The following DPP6 variants were observed in gnomAD, a reference collection of about 807,000 sequenced individuals.
DPP6 encodes the protein A-type potassium channel modulatory protein DPP6.
In DPP6, 69 loss-of-function variants were observed where a neutral mutation model predicts 122.6. The ratio of observed to expected loss-of-function variants is 0.56; its 90% CI spans 0.46 to 0.69. The LOEUF (loss-of-function observed/expected upper bound fraction) is 0.69. Ranked by LOEUF, DPP6 falls within the 30% of genes least tolerant of loss-of-function variation. DPP6 has a pLI of 0.00. For synonymous variants in DPP6, 418 were observed against 433.1 expected (o/e 0.97, Z 0.43); for missense variants, 928 against 1,116.9 (o/e 0.83, Z 2.41).
chr7:154,883,496 TCA>T (rs1266237433), intron 21 of DPP6: 4 of 118,274 alleles, frequency 3.4e-5, no homozygotes, highest in African/African-American at 6.8e-5. Context: ...TCACACATGC[TCA>T]GACACATGCT....
At chr7:154,665,237 T>C (rs942570547) in intron 6 of DPP6, among the ~76,000 whole-genome samples, 4 of 152,240 alleles carry the variant, frequency 2.6e-5, no homozygotes. Flanking sequence ...CCCATTGCAT[T>C]ATATCCAATG....
chr7:154,128,833 C>T (rs776797288), intron 1 of DPP6, among the ~76,000 whole-genome samples: 5 of 149,646 alleles, frequency 3.3e-5, no homozygotes, highest in Non-Finnish European at 7.5e-5. Flanking sequence ...TGGGTCTTCT[C>T]CCTGACCCTG....
chr7:154,577,609 G>A (rs1369079703), intron 5 of DPP6, among the ~76,000 whole-genome samples: 2 of 152,164 alleles, frequency 1.3e-5, no homozygotes, highest in Admixed American at 1.3e-4. Flanking sequence ...CCAGTGACAT[G>A]CCTGTAATTG....
In DPP6 at chr7:154,860,398, C is replaced by T. The variant is rs374682751; in HGVS notation, c.1714+6571C>T. ...GAGGAGCACTGTCAGACGTCCCTCT[C>T]GAAAAGCTTCTGGTCGCTGTGCAGA... is the stretch of plus-strand genomic sequence containing the variant. On this transcript the variant is annotated intron_variant, in intron 17 of 25. Coordinates refer to ENST00000377770, the MANE Select transcript of DPP6 (RefSeq NM_130797.4). 9.8e-5 allele frequency among the ~76,000 whole-genome samples: 15 copies of T among 152,300 alleles called. No homozygotes were observed. The East Asian group carries it at 2.7e-3, about 27-fold the overall frequency.
At chr7:154,456,253 C>A (rs2151307539) in intron 2 of DPP6, among the ~76,000 whole-genome samples, 1 of 152,320 alleles carries the variant, frequency 6.6e-6, no homozygotes, top group Non-Finnish European at 1.5e-5. Context: ...TTGATCACTT[C>A]TGCAGAAACA....
chr7:154,523,971 G>A (rs932432215), intron 3 of DPP6, among the ~76,000 whole-genome samples: 1 of 152,172 alleles, frequency 6.6e-6, no homozygotes, highest in Non-Finnish European at 1.5e-5. Flanking sequence ...CCTGCACCAA[G>A]TTTTACGACA....
At chr7:154,180,341 CAGAT>C (rs1008364926) in intron 1 of DPP6, among the ~76,000 whole-genome samples, 8 of 147,690 alleles carry the variant, frequency 5.4e-5, no homozygotes, top group Non-Finnish European at 1.0e-4. Context: ...ACCCGGGAGA[CAGAT>C]AGATAGATAG....
chr7:154,594,488 A>G (rs1232863026), intron 5 of DPP6, among the ~76,000 whole-genome samples: 1 of 152,196 alleles, frequency 6.6e-6, no homozygotes, highest in Admixed American at 6.5e-5. Context: ...TTCCCCTTAG[A>G]TAGCAATAAT....
chr7:154,113,303 T>G (rs1390047695), intron 1 of DPP6, among the ~76,000 whole-genome samples: 1 of 152,118 alleles, frequency 6.6e-6, no homozygotes, highest in Non-Finnish European at 1.5e-5. Context: ...CCTCATACTG[T>G]ATTCCAAAGT....
chr7:154,554,501 AC>A (rs1829875500), intron 4 of DPP6, among the ~76,000 whole-genome samples: 1 of 152,070 alleles, frequency 6.6e-6, no homozygotes, highest in African/African-American at 2.4e-5. Flanking sequence ...CCTAACAACC[AC>A]CTTTTCTTCT....
In DPP6 at chr7:154,313,685, G is replaced by GTGTGTGTGTGTGTATATATA; in HGVS notation, c.244-132528_244-132527insGTGTGTGTGTGTATATATAT. Among the ~76,000 whole-genome samples the GTGTGTGTGTGTGTATATATA allele has an allele frequency of 1.9e-3, 38 of 20,470 alleles. 4 individuals carry two copies. The highest frequency in any genetic ancestry group is 3.8e-3 in the African/African-American group (30 of 7,886). The allele number at this position is 20,470 out of a possible 152,430, so 13.4% of individuals were successfully genotyped here. A position where few individuals can be genotyped will look rare whatever the true frequency, so the allele number is the denominator to read the frequency against. On this transcript the variant is annotated intron_variant, in intron 1 of 25. Transcript: ENST00000377770. ...AAGCAACAAGATATTTTAAGATATG[G>GTGTGTGTGTGTGTATATATA]TATATATATATATATATATATATAT...
intron 5 of DPP6, chr7:154,587,833 T>C (rs1832560126): frequency 1.2e-6 from 2 of 1,612,836 alleles, no homozygotes; most frequent in Non-Finnish European, 1.7e-6. Context: ...CAGCACAGCA[T>C]TGCCAGCTTG....
At chr7:153,823,669 A>T in the DPP6 span, among the ~76,000 whole-genome samples, 15,480 of 150,650 alleles carry the variant, frequency 0.1, 949 homozygotes, top group African/African-American at 0.14. Flanking sequence ...TCAGGGTGTG[A>T]GGGGTTGTCT....
At chr7:153,921,447 T>C (rs907160207) in intron 1 of DPP6, among the ~76,000 whole-genome samples, 2 of 152,168 alleles carry the variant, frequency 1.3e-5, no homozygotes, top group African/African-American at 2.4e-5. Flanking sequence ...TCCAATTCAG[T>C]GGAATTAAAA....
intron 7 of DPP6, among the ~76,000 whole-genome samples, chr7:154,683,635 A>G (rs1282989820): frequency 6.6e-6 from 1 of 152,054 alleles, no homozygotes; most frequent in Non-Finnish European, 1.5e-5. Context: ...CCATTTTCCC[A>G]TGTAAAATCC....
rs928260069 is a variant in DPP6 at position 154,621,657 on chromosome 7, G to A, written c.628-16164G>A. Among the ~76,000 whole-genome samples the A allele has an allele frequency of 5.3e-5, 8 of 152,150 alleles. No individual in the cohort carries two copies. In the South Asian group the frequency reaches 6.2e-4, roughly 12 times the overall value. On this transcript the variant is annotated intron_variant, in intron 5 of 25. Coordinates refer to ENST00000377770, the MANE Select transcript of DPP6 (RefSeq NM_130797.4). ...GCTAAGATTAGAGGCATGAGCTACCGCACCAGGCCTCTAATTTTTAAGGTT... is the reference window on the plus strand; with the variant it reads ...GCTAAGATTAGAGGCATGAGCTACCACACCAGGCCTCTAATTTTTAAGGTT...
intron 4 of DPP6, among the ~76,000 whole-genome samples, chr7:154,561,684 ATAGT>A (rs1830435819): frequency 6.6e-6 from 1 of 152,208 alleles, no homozygotes; most frequent in Non-Finnish European, 1.5e-5. Flanking sequence ...ACACAGAAGA[ATAGT>A]TAGGAGCAGA....
intron 1 of DPP6, among the ~76,000 whole-genome samples, chr7:154,252,505 A>AC (rs1802416715): frequency 6.6e-6 from 1 of 152,026 alleles, no homozygotes; most frequent in South Asian, 2.1e-4. Context: ...CTTATTTCTC[A>AC]CCCCTGGGCA....
intron 1 of DPP6, among the ~76,000 whole-genome samples, chr7:153,941,913 G>A (rs77170098): frequency 1.1e-4 from 16 of 152,120 alleles, no homozygotes; most frequent in African/African-American, 3.4e-4. Flanking sequence ...AGGAAAGTTC[G>A]ATTTCCATAA....
Sources: allele counts gnomAD v4.1 joint callset (sites outside exome capture counted in the v4.1 genomes callset), GRCh38; gene constraint gnomAD v4.1.1; transcripts MANE v1.5; gene names NCBI Gene and HGNC (gene_info 2026-07-23, HGNC 2026-07-21).